The following BMP1 variants were observed in gnomAD, a reference collection of about 807,000 sequenced individuals.
BMP1 encodes bone morphogenetic protein 1.
In BMP1, 63 loss-of-function variants were observed where a neutral mutation model predicts 116.8. That is an observed-to-expected ratio of 0.54 (90% confidence interval 0.44 to 0.67). BMP1 has a LOEUF of 0.67. BMP1 is among the 30% of genes least tolerant of loss of function. BMP1 has a pLI of 0.00. For missense variants in BMP1, 1,183 were observed against 1,358.9 expected (o/e 0.87, Z 2.04); for synonymous variants, 536 against 533.4 (o/e 1.00, Z -0.07).
chr8:22,173,521 C>A, intron 1 of BMP1, 81 bp from the exon 2 acceptor site: 2 of 1,023,878 alleles, frequency 2.0e-6, no homozygotes, highest in Non-Finnish European at 2.8e-6. Context: ...CTGGTGCCCA[C>A]AGGGTTGGGG....
intron 12 of BMP1, 115 bp downstream of exon 12, chr8:22,195,034 A>G: frequency 8.4e-7 from 1 of 1,187,768 alleles, no homozygotes; most frequent in Non-Finnish European, 1.2e-6. Context: ...GTGAGACCCC[A>G]GGGCTGTGCC....
At chr8:22,176,053 CA>C (rs1403498796) in intron 2 of BMP1, 89 bp from the exon 3 acceptor site, 1 of 1,394,312 alleles carries the variant, frequency 7.2e-7, no homozygotes, top group Non-Finnish European at 9.8e-7. Flanking sequence ...AATTTGCAAG[CA>C]CAGAATCCAT....
At chr8:22,207,915 G>C (rs1303140757) in intron 18 of BMP1, among the ~76,000 whole-genome samples, 1 of 151,614 alleles carries the variant, frequency 6.6e-6, no homozygotes, top group East Asian at 1.9e-4. Context: ...ATGGAGTCTT[G>C]CTCTGTCGCC....
At position 22,192,158 on chromosome 8, in the gene BMP1, G is replaced by A; in HGVS notation, c.1180+7G>A. 6.2e-7 allele frequency: 1 copy of A among 1,609,322 alleles called. No homozygotes were observed. Among genetic ancestry groups the A allele is most frequent in the East Asian group, 2.2e-5 (1 of 44,862 alleles). ...AGGAAGGCGCCCCTCCGAGGTAACGGCACCAGCCACCCCCTGCCCCCTCCA... is the reference window on the plus strand; with the variant it reads ...AGGAAGGCGCCCCTCCGAGGTAACGACACCAGCCACCCCCTGCCCCCTCCA... On this transcript the variant is annotated splice_region_variant and intron_variant, in intron 9 of 19. Transcript: ENST00000306385.
intron 9 of BMP1, among the ~76,000 whole-genome samples, chr8:22,192,747 G>A (rs1351853983): frequency 6.6e-6 from 1 of 152,148 alleles, no homozygotes; most frequent in Non-Finnish European, 1.5e-5. Context: ...AGAACAGAAG[G>A]TGCTTTAATG....
chr8:22,206,731 A>G (rs1829363933), intron 16 of BMP1, 123 bp from the exon 17 acceptor site: 2 of 1,397,312 alleles, frequency 1.4e-6, no homozygotes, highest in Middle Eastern at 1.9e-4. Flanking sequence ...CCTGCCATCC[A>G]GTTCATAAGT....
Position 22,196,812 on chromosome 8 carries a change from T to A in BMP1, c.1898T>A (p.Phe633Tyr), listed in dbSNP as rs778691967. 6.2e-7 allele frequency: 1 copy of A among 1,613,890 alleles called. No individual in the cohort carries two copies. The highest frequency in any genetic ancestry group is 8.5e-7 in the Non-Finnish European group (1 of 1,179,898). Residue 633 changes from phenylalanine to tyrosine, a missense_variant, in exon 14 of 20, where the codon TTT (phenylalanine) becomes TAT (tyrosine). By Grantham distance (22) the Phe-to-Tyr change is conservative. Around this residue, in one of 4 missense-constraint regions of BMP1, gnomAD observed 956 missense variants for 1,135.2 expected, o/e 0.84. Coordinates refer to ENST00000306385, the MANE Select transcript of BMP1 (RefSeq NM_006129.5). The part of the protein sequence containing the change: ...APTQYRISLQ[F>Y]DFFETEGNDV... ...ACCCAGTACCGCATCTCCCTGCAGT[T>A]TGACTTCTTTGAGACAGAGGGCAAT...
chr8:22,166,319 C>T (rs182843331), intron 1 of BMP1, among the ~76,000 whole-genome samples: 1 of 151,986 alleles, frequency 6.6e-6, no homozygotes, highest in African/African-American at 2.4e-5. Flanking sequence ...CTGTCACCCC[C>T]GAGACACCAG....
rs574078395 is a variant in BMP1, at chr8:22,197,375, G to A, written c.2062G>A (p.Asp688Asn). ...CAACATGCGCGTGGAGTTCAAGTCC[G>A]ACAACACCGTGTCCAAAAAGGGCTT... The part of the protein sequence containing the change: ...YNNMRVEFKS[D>N]NTVSKKGFKA... Residue 688 changes from aspartate (D) to asparagine (N), a missense_variant, in exon 15 of 20, where the codon GAC becomes AAC. This residue lies in a region of BMP1 where 956 missense variants were observed against 1,135.2 expected (regional missense o/e 0.84). Transcript: ENST00000306385. The A allele has an allele frequency of 2.5e-6, 4 of 1,613,242 alleles. No homozygotes were observed. Among genetic ancestry groups the A allele is most frequent in the East Asian group, 4.5e-5 (2 of 44,838 alleles).
In BMP1 at chr8:22,211,505, C is replaced by T. The variant is rs11778448; in HGVS notation, c.2827-89C>T. ...AATCTGGTGGCTGCCTGGGAGCCTCCTGCCCTTCAAAGCTGGGGATCTTGG... is the reference window on the plus strand; with the variant it reads ...AATCTGGTGGCTGCCTGGGAGCCTCTTGCCCTTCAAAGCTGGGGATCTTGG... On this transcript the variant is annotated intron_variant, in intron 19 of 19. Transcript: ENST00000306385. 362,028 of 1,570,624 alleles carry T rather than the reference C, an allele frequency of 0.23. 45,001 individuals are homozygous for T. Among genetic ancestry groups the T allele is most frequent in the African/African-American group, 0.36 (26,626 of 74,032 alleles).
intron 8 of BMP1, among the ~76,000 whole-genome samples, chr8:22,185,226 T>A (rs1586449951): frequency 6.6e-6 from 1 of 151,576 alleles, no homozygotes. Context: ...TCGAGGCGGG[T>A]GGATCACTTG....
intron 4 of BMP1, 139 bp downstream of exon 4, chr8:22,176,789 C>G (rs1403184080): frequency 1.9e-6 from 2 of 1,063,132 alleles, no homozygotes; most frequent in Non-Finnish European, 2.8e-6. Flanking sequence ...TACCCAGGAA[C>G]TGCCCCCTGT....
At chr8:22,174,552 T>C (rs1413291961) in intron 2 of BMP1, among the ~76,000 whole-genome samples, 1 of 151,764 alleles carries the variant, frequency 6.6e-6, no homozygotes, top group African/African-American at 2.4e-5. Context: ...GTTTGAGACA[T>C]GGTCCTGAGA....
rs761242206 is a variant in BMP1 at position 22,195,453 on chromosome 8, C to T, written c.1640-9C>T. ...TGGAGTCTGTGACACCCTTTCCTTC[C>T]CACCACAGAGGTGGACGAGTGCTCT... On this transcript the variant is annotated splice_polypyrimidine_tract_variant and intron_variant, in intron 12 of 19. Transcript: ENST00000306385. The T allele has an allele frequency of 1.9e-6, 3 of 1,594,844 alleles. No homozygotes were observed. The African/African-American group carries it at 4.1e-5, about 22-fold the overall frequency.
At position 22,194,221 on chromosome 8, in the gene BMP1, G is replaced by A; in HGVS notation, c.1297+47G>A. ...GGGAGGAGTCAGATAGGAGGTCTCT[G>A]GGCATGGTAAAACAACTCCCTCCTG... On this transcript the variant is annotated intron_variant, in intron 10 of 19. Coordinates refer to ENST00000306385, the MANE Select transcript of BMP1 (RefSeq NM_006129.5). The surrounding 1 kb of genome is among the most constrained non-coding windows in gnomAD (Gnocchi z 4.5). The A allele has an allele frequency of 6.3e-7, 1 of 1,576,880 alleles. No individual in the cohort carries two copies. The highest frequency in any genetic ancestry group is 8.7e-7 in the Non-Finnish European group (1 of 1,146,290).
chr8:22,208,070 G>C (rs995460993), intron 18 of BMP1, among the ~76,000 whole-genome samples: 2 of 152,018 alleles, frequency 1.3e-5, no homozygotes, highest in East Asian at 1.9e-4. Flanking sequence ...TTTTAGTAGA[G>C]ACAGGGTTTC....
At chr8:22,176,024 A>G (rs1828419392) in intron 2 of BMP1, 119 bp from the exon 3 acceptor site, 1 of 1,066,772 alleles carries the variant, frequency 9.4e-7, no homozygotes, top group African/African-American at 1.6e-5. Flanking sequence ...GACTACGAAT[A>G]AATTTTAGCC....
At chr8:22,171,993 G>A (rs1184634840) in intron 1 of BMP1, among the ~76,000 whole-genome samples, 1 of 152,204 alleles carries the variant, frequency 6.6e-6, no homozygotes, top group Non-Finnish European at 1.5e-5. Flanking sequence ...TGGATGGCAA[G>A]GGTGTGGACG....
chr8:22,188,138 A>C (rs367830974), intron 8 of BMP1, among the ~76,000 whole-genome samples: 3 of 147,780 alleles, frequency 2.0e-5, no homozygotes, highest in East Asian at 4.0e-4. Context: ...AATCCTCCCA[A>C]CTCCCCAGTG....
Sources: allele counts gnomAD v4.1 joint callset (sites outside exome capture counted in the v4.1 genomes callset), GRCh38; gene constraint gnomAD v4.1.1; regional missense constraint gnomAD v4.1.1; non-coding constraint Gnocchi (gnomAD v3.1); transcripts MANE v1.5; gene names NCBI Gene and HGNC (gene_info 2026-07-23, HGNC 2026-07-21).